GRM8: variants seen among roughly 807,000 people sequenced by gnomAD.
The protein encoded by GRM8 is metabotropic glutamate receptor 8.
GRM8 carries 47 observed loss-of-function variants against 87.2 expected under a neutral mutation model. The observed-to-expected ratio is 0.54, with a 90% CI of 0.43 to 0.69. The LOEUF (loss-of-function observed/expected upper bound fraction) is 0.69. Ranked by LOEUF, GRM8 falls within the 30% of genes least tolerant of loss-of-function variation. The pLI, the probability that GRM8 is intolerant of heterozygous loss-of-function variation, is 0.00. For missense variants in GRM8, 1,019 were observed against 1,139.2 expected (o/e 0.89, Z 1.52); for synonymous variants, 396 against 404.5 (o/e 0.98, Z 0.25).
chr7:126,963,572 G>A (rs1439586834), intron 3 of GRM8, among the ~76,000 whole-genome samples: 1 of 152,044 alleles, frequency 6.6e-6, no homozygotes, highest in Non-Finnish European at 1.5e-5. Flanking sequence ...ATTCACAATT[G>A]CTACAAAGAA....
At chr7:126,934,153 C>G (rs556756113) in intron 3 of GRM8, among the ~76,000 whole-genome samples, 23 of 152,232 alleles carry the variant, frequency 1.5e-4, no homozygotes, top group Non-Finnish European at 3.1e-4. Context: ...CTCAACTGTG[C>G]TATCAAGATG....
chr7:126,974,854 T>A (rs912373705), intron 3 of GRM8, among the ~76,000 whole-genome samples: 2 of 143,192 alleles, frequency 1.4e-5, no homozygotes, highest in African/African-American at 5.3e-5. Flanking sequence ...GAGAATGTCG[T>A]GAACTCGGGA....
chr7:126,703,720 T>C (rs1349512192), intron 7 of GRM8, among the ~76,000 whole-genome samples: 1 of 152,126 alleles, frequency 6.6e-6, no homozygotes, highest in East Asian at 1.9e-4. Context: ...CTGCCATACC[T>C]GGCTAATTTT....
In GRM8 at chr7:126,819,599, G is replaced by C. The variant is rs149443863; in HGVS notation, c.1157-49534C>G. 2.6e-5 allele frequency among the ~76,000 whole-genome samples: 4 copies of C among 152,168 alleles called. No homozygotes were observed. In the East Asian group the frequency reaches 7.7e-4, roughly 29 times the overall value. The stretch of plus-strand genomic sequence containing the variant: ...CAATAAATAAACTATGAATATTTAA[G>C]TATTCATTAAATGTTAAAGATGCCA... On this transcript the variant is annotated intron_variant, in intron 6 of 10. Transcript: ENST00000339582.
chr7:127,022,484 C>T (rs1421147361), intron 3 of GRM8, among the ~76,000 whole-genome samples: 1 of 151,874 alleles, frequency 6.6e-6, no homozygotes, highest in Non-Finnish European at 1.5e-5. Context: ...TGCACCCAAC[C>T]CTGACAGGGG....
At chr7:126,746,969 T>C (rs1815773758) in intron 7 of GRM8, among the ~76,000 whole-genome samples, 1 of 151,636 alleles carries the variant, frequency 6.6e-6, no homozygotes, top group Non-Finnish European at 1.5e-5. Context: ...GTTAATGGTT[T>C]CATGCTAATA....
intron 7 of GRM8, among the ~76,000 whole-genome samples, chr7:126,728,923 T>A (rs1813297860): frequency 6.6e-6 from 1 of 152,160 alleles, no homozygotes; most frequent in Non-Finnish European, 1.5e-5. Flanking sequence ...CCTGAGATAA[T>A]CGCTAGCCTC....
At chr7:127,087,152 G>GA (rs1823593980) in intron 3 of GRM8, among the ~76,000 whole-genome samples, 1 of 152,166 alleles carries the variant, frequency 6.6e-6, no homozygotes, top group South Asian at 2.1e-4. Context: ...GAGAAAAAGA[G>GA]AAAAAGGAGC....
At chr7:126,446,052 A>G (rs1253781812) in intron 10 of GRM8, 74 bp downstream of exon 10, 1 of 1,562,594 alleles carries the variant, frequency 6.4e-7, no homozygotes, top group Admixed American at 1.7e-5. Context: ...CAAGACTAGG[A>G]GAAGAATGTT....
chr7:126,774,964 A>C (rs545665734), intron 6 of GRM8, among the ~76,000 whole-genome samples: 4 of 152,272 alleles, frequency 2.6e-5, no homozygotes, highest in Admixed American at 2.6e-4. Flanking sequence ...TGATGGTCCA[A>C]TAAGCAGTTG....
At chr7:126,957,291 A>G (rs13247527) in intron 3 of GRM8, among the ~76,000 whole-genome samples, 1 of 152,192 alleles carries the variant, frequency 6.6e-6, no homozygotes, top group East Asian at 1.9e-4. Flanking sequence ...TTACATAACC[A>G]TGAGGTCTCT....
chr7:126,883,650 G>A (rs1476073245), intron 6 of GRM8, among the ~76,000 whole-genome samples: 1 of 151,988 alleles, frequency 6.6e-6, no homozygotes, highest in Non-Finnish European at 1.5e-5. Context: ...CATTTCAGAT[G>A]GATTGGAAGC....
intron 3 of GRM8, among the ~76,000 whole-genome samples, chr7:127,091,173 A>C (rs1476239472): frequency 6.6e-6 from 1 of 152,058 alleles, no homozygotes; most frequent in Non-Finnish European, 1.5e-5. Flanking sequence ...CCTGAATTCT[A>C]CTTGGCCCCA....
At chr7:127,036,782 G>C (rs1375882085) in intron 3 of GRM8, among the ~76,000 whole-genome samples, 2 of 152,098 alleles carry the variant, frequency 1.3e-5, no homozygotes, top group East Asian at 3.9e-4. Context: ...TTAGTACTAA[G>C]GACAGACTTT....
intron 3 of GRM8, among the ~76,000 whole-genome samples, chr7:126,959,246 T>C (rs1441273731): frequency 6.6e-6 from 1 of 152,134 alleles, no homozygotes; most frequent in Non-Finnish European, 1.5e-5. Context: ...ATAAGGACAG[T>C]CTGCAGAGAG....
chr7:126,564,008 G>GATGGTT (rs1793970264), intron 8 of GRM8, among the ~76,000 whole-genome samples: 1 of 152,224 alleles, frequency 6.6e-6, no homozygotes, highest in Non-Finnish European at 1.5e-5. Flanking sequence ...AAGTTAGGGT[G>GATGGTT]ATGGTTATGG....
intron 3 of GRM8, among the ~76,000 whole-genome samples, chr7:126,911,705 C>T (rs1287709771): frequency 2.0e-5 from 3 of 152,188 alleles, no homozygotes; most frequent in African/African-American, 2.4e-5. Flanking sequence ...ATCCAGCTGG[C>T]TGTGGCCCAG....
At chr7:126,679,162 A>G (rs1395772392) in intron 7 of GRM8, among the ~76,000 whole-genome samples, 1 of 152,098 alleles carries the variant, frequency 6.6e-6, no homozygotes, top group African/African-American at 2.4e-5. Context: ...TAAGCATAGT[A>G]CCTCCCTTCA....
rs1038972014 is a variant in GRM8 at position 126,481,912 on chromosome 7, G to A, written c.2431-35540C>T. 3.9e-5 allele frequency among the ~76,000 whole-genome samples: 6 copies of A among 152,112 alleles called. No individual in the cohort carries two copies. The South Asian group carries it at 8.3e-4, about 21-fold the overall frequency. On this transcript the variant is annotated intron_variant, in intron 9 of 10. Transcript: ENST00000339582. ...GAGCTTTCTGTGTCACTTTTATAATGCTTTTGTAAGTCTAAAAGTATCTCA... is the reference window on the plus strand; with the variant it reads ...GAGCTTTCTGTGTCACTTTTATAATACTTTTGTAAGTCTAAAAGTATCTCA...
Sources: gnomAD v4.1 joint callset for allele counts (sites outside exome capture counted in the v4.1 genomes callset) on GRCh38, gnomAD v4.1.1 for gene constraint, MANE v1.5 for transcripts, NCBI Gene and HGNC (gene_info 2026-07-23, HGNC 2026-07-21) for gene names.